The following FCHSD2 variants were observed in gnomAD, a reference collection of about 807,000 sequenced individuals.
FCHSD2 encodes the protein FCH and double SH3 domains 2.
In FCHSD2, 38 loss-of-function variants were observed where a neutral mutation model predicts 108.1. That is an observed-to-expected ratio of 0.35 (90% CI 0.27 to 0.46). FCHSD2 has a LOEUF of 0.46. FCHSD2 is among the 20% of genes least tolerant of loss of function. The probability of loss-of-function intolerance (pLI) is 1.00; values close to 1 mark genes in which losing one functional copy is unlikely to be tolerated. For missense variants in FCHSD2, 751 were observed against 897.8 expected (o/e 0.84, Z 2.09); for synonymous variants, 279 against 314.7 (o/e 0.89, Z 1.20).
intron 2 of FCHSD2, among the ~76,000 whole-genome samples, chr11:73,092,547 G>A (rs1292160274): frequency 6.6e-6 from 1 of 152,148 alleles, no homozygotes; most frequent in Admixed American, 6.5e-5. Context: ...GTATTTATAT[G>A]TTTGGCACAG....
chr11:72,841,073 C>T (rs139411354), intron 18 of FCHSD2, 114 bp from the exon 19 acceptor site: 40 of 769,260 alleles, frequency 5.2e-5, no homozygotes, highest in Middle Eastern at 2.3e-4. Context: ...GATACTGAGG[C>T]GGGAGGATTA....
At chr11:73,111,887 C>T (rs986981312) in intron 2 of FCHSD2, among the ~76,000 whole-genome samples, 17 of 152,160 alleles carry the variant, frequency 1.1e-4, no homozygotes, top group African/African-American at 3.9e-4. Context: ...AAAACCTACA[C>T]TTTTAACTTT....
At chr11:73,032,371 G>C (rs1395895020) in intron 3 of FCHSD2, among the ~76,000 whole-genome samples, 1 of 151,988 alleles carries the variant, frequency 6.6e-6, no homozygotes, top group Non-Finnish European at 1.5e-5. Context: ...TAATATTACA[G>C]GTGTGCATTG....
At chr11:73,092,543 A>G (rs1221973745) in intron 2 of FCHSD2, among the ~76,000 whole-genome samples, 1 of 152,190 alleles carries the variant, frequency 6.6e-6, no homozygotes, top group Non-Finnish European at 1.5e-5. Context: ...CTTAGTATTT[A>G]TATGTTTGGC....
At chr11:72,937,935 T>A (rs1229587642) in intron 8 of FCHSD2, among the ~76,000 whole-genome samples, 1 of 152,208 alleles carries the variant, frequency 6.6e-6, no homozygotes, top group Non-Finnish European at 1.5e-5. Flanking sequence ...CTGATGTAGC[T>A]GTTAATATAA....
intron 3 of FCHSD2, among the ~76,000 whole-genome samples, chr11:73,081,056 G>A (rs944555223): frequency 6.6e-6 from 1 of 152,066 alleles, no homozygotes; most frequent in Non-Finnish European, 1.5e-5. Context: ...AAAAAGACTG[G>A]GATTGGAGCA....
intron 4 of FCHSD2, among the ~76,000 whole-genome samples, chr11:73,005,353 T>C (rs1205857325): frequency 1.3e-5 from 2 of 152,368 alleles, no homozygotes; most frequent in South Asian, 4.1e-4. Flanking sequence ...TCATCAAAGA[T>C]CTTCCTATGG....
intron 3 of FCHSD2, among the ~76,000 whole-genome samples, chr11:73,065,123 A>C (rs1859260313): frequency 6.6e-6 from 1 of 152,228 alleles, no homozygotes; most frequent in South Asian, 2.1e-4. Flanking sequence ...ACACTGGCAA[A>C]CCAAATCCAG....
intron 3 of FCHSD2, among the ~76,000 whole-genome samples, chr11:73,074,433 A>G (rs1382266488): frequency 1.3e-5 from 2 of 152,204 alleles, no homozygotes; most frequent in Admixed American, 6.5e-5. Context: ...CCTCACCCCA[A>G]TACAATATCA....
At chr11:73,132,700 T>C (rs1433509815) in intron 2 of FCHSD2, among the ~76,000 whole-genome samples, 1 of 152,004 alleles carries the variant, frequency 6.6e-6, no homozygotes, top group Non-Finnish European at 1.5e-5. Context: ...GGTGTGCAAC[T>C]GTAGTCCTAG....
intron 4 of FCHSD2, among the ~76,000 whole-genome samples, chr11:73,003,386 G>T (rs1372807554): frequency 6.6e-6 from 1 of 152,038 alleles, no homozygotes; most frequent in Non-Finnish European, 1.5e-5. Flanking sequence ...CAGCAGAATT[G>T]TAACAAATAG....
At chr11:73,040,964 A>C (rs189840762) in intron 3 of FCHSD2, among the ~76,000 whole-genome samples, 1 of 152,312 alleles carries the variant, frequency 6.6e-6, no homozygotes, top group Non-Finnish European at 1.5e-5. Context: ...CATATCAGTG[A>C]GTGAGAACAT....
intron 5 of FCHSD2, among the ~76,000 whole-genome samples, chr11:72,995,080 T>C (rs11235627): frequency 3.9e-5 from 6 of 152,208 alleles, no homozygotes; most frequent in African/African-American, 1.4e-4. Flanking sequence ...TCAAATAATA[T>C]GTGGCCTTAT....
intron 3 of FCHSD2, among the ~76,000 whole-genome samples, chr11:73,034,514 C>T (rs1474192058): frequency 2.6e-5 from 4 of 152,150 alleles, no homozygotes; most frequent in Non-Finnish European, 5.9e-5. Flanking sequence ...GAGCCTGTAC[C>T]AAGGAAATAG....
rs1378642233 is a variant in FCHSD2 at position 73,141,923 on chromosome 11, G to A, written c.-46C>T. On this transcript the variant is annotated 5_prime_UTR_variant, in exon 1 of 20. Coordinates refer to ENST00000409418, the MANE Select transcript of FCHSD2 (RefSeq NM_014824.3). Reference sequence around the variant, plus strand: ...CCTCCCCGACGGCAGCGTTAGCAAGGACCAGGAGGAGGAGGAGGGCCGGAG... The same window carrying A: ...CCTCCCCGACGGCAGCGTTAGCAAGAACCAGGAGGAGGAGGAGGGCCGGAG... The A allele has an allele frequency of 3.9e-6, 6 of 1,534,490 alleles. No homozygotes were observed. The East Asian group carries it at 1.5e-4, about 38-fold the overall frequency.
At chr11:72,937,012 T>C (rs1473647399) in intron 8 of FCHSD2, among the ~76,000 whole-genome samples, 1 of 152,210 alleles carries the variant, frequency 6.6e-6, no homozygotes, top group Non-Finnish European at 1.5e-5. Flanking sequence ...ATAATCTTGT[T>C]AAAAATTAAA....
intron 3 of FCHSD2, among the ~76,000 whole-genome samples, chr11:73,048,904 T>C (rs950871413): frequency 6.6e-6 from 1 of 152,170 alleles, no homozygotes; most frequent in Non-Finnish European, 1.5e-5. Context: ...CACACAAACA[T>C]AGCAAGATGT....
chr11:73,111,674 C>A (rs1247743386), intron 2 of FCHSD2, among the ~76,000 whole-genome samples: 1 of 151,848 alleles, frequency 6.6e-6, no homozygotes, highest in Admixed American at 6.6e-5. Flanking sequence ...TCCTTCTTTC[C>A]TTCCTTCCTG....
chr11:73,131,148 G>A (rs1280775168), intron 2 of FCHSD2, among the ~76,000 whole-genome samples: 1 of 152,068 alleles, frequency 6.6e-6, no homozygotes, highest in Non-Finnish European at 1.5e-5. Context: ...TTGGGAGCTT[G>A]AGGCAGGCAG....
Sources: allele counts gnomAD v4.1 joint callset (sites outside exome capture counted in the v4.1 genomes callset), GRCh38; gene constraint gnomAD v4.1.1; transcripts MANE v1.5; gene names NCBI Gene and HGNC (gene_info 2026-07-23, HGNC 2026-07-21).